The following TAF8 variants were observed in gnomAD, a reference collection of about 807,000 sequenced individuals.
The protein encoded by TAF8 is TATA-box binding protein associated factor 8, also known as transcription initiation factor TFIID subunit 8.
A neutral mutation model predicts 36.5 loss-of-function variants in TAF8; 47 were observed. The ratio of observed to expected loss-of-function variants is 1.29; its 90% CI spans 1.02 to 1.64. The LOEUF is 1.64. TAF8 is among the 40% of genes most tolerant of loss of function. The pLI, the probability that TAF8 is intolerant of heterozygous loss-of-function variation, is 0.00. For missense variants in TAF8, 420 were observed against 407.6 expected (o/e 1.03, Z -0.26); for synonymous variants, 175 against 159.5 (o/e 1.10, Z -0.73).
At position 42,055,977 on chromosome 6, in the gene TAF8, T is replaced by C. The variant is rs764454653; in HGVS notation, c.327T>C (p.Ala109=). Residue 109 remains alanine, a synonymous_variant, in exon 4 of 9, where the codon GCT becomes GCC. Coordinates refer to ENST00000372977, the MANE Select transcript of TAF8 (RefSeq NM_138572.3). ...EMGFNVDTLP[A]YAKRSQRMVI... is the part of the protein sequence containing the mutation. ...GTTTCAATGTGGACACTCTCCCTGC[T>C]TATGCAAAACGGTCTCAGAGGATGG... The C allele has an allele frequency of 6.2e-7, 1 of 1,613,628 alleles. No individual in the cohort carries two copies.
intron 7 of TAF8, among the ~76,000 whole-genome samples, chr6:42,072,693 T>C (rs1210502051): frequency 6.6e-6 from 1 of 152,176 alleles, no homozygotes; most frequent in African/African-American, 2.4e-5. Flanking sequence ...TTTACAGACA[T>C]TGTTATAGCA....
At chr6:42,059,944 C>T (rs1398653207) in intron 5 of TAF8, among the ~76,000 whole-genome samples, 1 of 152,116 alleles carries the variant, frequency 6.6e-6, no homozygotes, top group Non-Finnish European at 1.5e-5. Context: ...GCTGACAGGG[C>T]ACATTATGGG....
chr6:42,084,862 G>C (rs562582102), downstream of TAF8, among the ~76,000 whole-genome samples: 6 of 152,330 alleles, frequency 3.9e-5, no homozygotes, highest in South Asian at 1.2e-3. Context: ...CCACTACATG[G>C]CATGACCCTG....
Position 42,078,473 on chromosome 6 carries a change from T to C in TAF8, c.*928T>C, listed in dbSNP as rs570983034. On this transcript the variant is annotated 3_prime_UTR_variant, in exon 9 of 9. Transcript: ENST00000372977. ...CTCATCTGGCCTCCCAAGTGCTCCG[T>C]TGAGCTGATGAAAAGTTCTTTGTAC... 1.1e-5 allele frequency: 11 copies of C among 985,488 alleles called. No individual in the cohort carries two copies. The highest frequency in any genetic ancestry group is 4.7e-5 in the South Asian group (1 of 21,284). 61.0% of individuals were successfully genotyped at this position (985,488 alleles called of 1,614,324 possible).
At chr6:42,056,037 A>C in intron 4 of TAF8, 23 bp downstream of exon 4, 1 of 1,546,958 alleles carries the variant, frequency 6.5e-7, no homozygotes, top group Non-Finnish European at 8.9e-7. Context: ...GAACTGAGGT[A>C]CTTAGCAATT....
Position 42,079,999 on chromosome 6 carries a change from A to AC in TAF8, c.*2454_*2455insC. On this transcript the variant is annotated 3_prime_UTR_variant, in exon 9 of 9. Transcript: ENST00000372977. ...GAACGGAAGAGGGGACGCTAGTAAA[A>AC]AAAAAAAAATTGGATTCCCCAACTG... 2 of 983,774 alleles carry AC rather than the reference A, an allele frequency of 2.0e-6. No individual in the cohort carries two copies. The allele number at this position is 983,774 out of a possible 1,614,324, so 60.9% of individuals were successfully genotyped here.
chr6:42,081,168 GGAGTGT>G lies in TAF8; in HGVS notation c.*3625_*3630del. ...TTTGTCCTTTATTTTCTTTCCTCCT[GGAGTGT>G]GTGTGTGTGTGTGTGTGCGTGTGTG... On this transcript the variant is annotated 3_prime_UTR_variant, in exon 9 of 9. Coordinates refer to ENST00000372977, the MANE Select transcript of TAF8 (RefSeq NM_138572.3). 1 of 90,960 alleles carries G rather than the reference GGAGTGT, an allele frequency of 1.1e-5. No individual in the cohort carries two copies. 5.6% of individuals were successfully genotyped at this position (90,960 alleles called of 1,614,324 possible).
rs756372584 is a variant in TAF8 at position 42,066,419 on chromosome 6, G to C, written c.597G>C (p.Glu199Asp). The C allele has an allele frequency of 1.2e-6, 2 of 1,614,242 alleles. No individual in the cohort carries two copies. Among genetic ancestry groups the C allele is most frequent in the Non-Finnish European group, 1.7e-6 (2 of 1,180,052 alleles). ...CCCGTTTCATGGCCAAGACAGGCGA[G>C]ACTCAGAGTCTTTTCAAAGATGACG... ...ALTRFMAKTG[E>D]TQSLFKDDVS... is the part of the protein sequence containing the mutation. Residue 199 changes from glutamate to aspartate, a missense_variant, in exon 6 of 9, where the codon GAG becomes GAC. Transcript: ENST00000372977.
downstream of TAF8, chr6:42,086,790 C>T: frequency 6.5e-7 from 1 of 1,530,762 alleles, no homozygotes; most frequent in Non-Finnish European, 8.9e-7. Flanking sequence ...GATCGGTCAC[C>T]AGGAGAGCAG....
chr6:42,071,782 C>T (rs1765587054), intron 7 of TAF8, among the ~76,000 whole-genome samples: 1 of 152,120 alleles, frequency 6.6e-6, no homozygotes, highest in Admixed American at 6.6e-5. Flanking sequence ...TTGAGGTTCA[C>T]CTTATGAGAA....
chr6:42,050,733 C>T, intron 1 of TAF8, 147 bp downstream of exon 1: 1 of 1,092,092 alleles, frequency 9.2e-7, no homozygotes, highest in Non-Finnish European at 1.3e-6. Flanking sequence ...GTAGGCGCCC[C>T]CTCCTTGGGA....
intron 5 of TAF8, 31 bp downstream of exon 5, chr6:42,057,544 G>A: frequency 6.2e-7 from 1 of 1,613,158 alleles, no homozygotes; most frequent in East Asian, 2.2e-5. Context: ...ACTGCGCGTG[G>A]TGTAAAGCAC....
At chr6:42,076,269 G>T (rs1473018071) in intron 7 of TAF8, among the ~76,000 whole-genome samples, 1 of 151,124 alleles carries the variant, frequency 6.6e-6, no homozygotes, top group Non-Finnish European at 1.5e-5. Context: ...TGGCCAACTG[G>T]TAAAACCCCG....
downstream of TAF8, among the ~76,000 whole-genome samples, chr6:42,086,489 T>C (rs1766029958): frequency 6.6e-6 from 1 of 152,140 alleles, no homozygotes; most frequent in African/African-American, 2.4e-5. Flanking sequence ...CCACCACGTG[T>C]TTTCAGTTCA....
At chr6:42,073,886 C>T (rs1306163373) in intron 7 of TAF8, among the ~76,000 whole-genome samples, 2 of 152,082 alleles carry the variant, frequency 1.3e-5, no homozygotes, top group Non-Finnish European at 1.5e-5. Flanking sequence ...CAGTGGTGGG[C>T]CCAAGTAGAG....
Position 42,077,781 on chromosome 6 carries a change from A to T in TAF8, c.*236A>T. On this transcript the variant is annotated 3_prime_UTR_variant, in exon 9 of 9. Coordinates refer to ENST00000372977, the MANE Select transcript of TAF8 (RefSeq NM_138572.3). ...AATTTTTTTTTTTATTTTGAGATGG[A>T]GTCTTACTCTATCACCCAGGCTGGA... The T allele has an allele frequency of 7.4e-7, 1 of 1,358,884 alleles. No homozygotes were observed. Among genetic ancestry groups the T allele is most frequent in the Admixed American group, 3.1e-5 (1 of 32,292 alleles). 84.2% of individuals were successfully genotyped at this position (1,358,884 alleles called of 1,614,324 possible). A position where few individuals can be genotyped will look rare whatever the true frequency, so the allele number is the denominator to read the frequency against.
rs546346867 is a variant in TAF8 at position 42,057,601 on chromosome 6, G to A, written c.489+88G>A. The A allele has an allele frequency of 2.1e-5, 32 of 1,539,620 alleles. No individual in the cohort carries two copies. In the East Asian group the frequency reaches 6.8e-4, roughly 33 times the overall value. The stretch of plus-strand genomic sequence containing the variant: ...TCACGTGGCAGAGTCCAGTCCAAAA[G>A]CTTGTTGATGAAAGAGTGGTTCAAA... On this transcript the variant is annotated intron_variant, in intron 5 of 8. Transcript: ENST00000372977.
chr6:42,075,333 C>T (rs1562020723), intron 7 of TAF8, among the ~76,000 whole-genome samples: 1 of 152,168 alleles, frequency 6.6e-6, no homozygotes, highest in Non-Finnish European at 1.5e-5. Context: ...TCTGGGTCAC[C>T]TTGTGGTCCC....
chr6:42,086,236 A>G (rs906141687), downstream of TAF8, among the ~76,000 whole-genome samples: 1 of 152,202 alleles, frequency 6.6e-6, no homozygotes, highest in Non-Finnish European at 1.5e-5. Flanking sequence ...CTTCCTCCGG[A>G]AAAACAGCCC....
Sources: gnomAD v4.1 joint callset for allele counts (sites outside exome capture counted in the v4.1 genomes callset) on GRCh38, gnomAD v4.1.1 for gene constraint, MANE v1.5 for transcripts, NCBI Gene and HGNC (gene_info 2026-07-23, HGNC 2026-07-21) for gene names.